The following PCSK6 variants were observed in gnomAD, a reference collection of about 807,000 sequenced individuals.
The protein encoded by PCSK6 is proprotein convertase subtilisin/kexin type 6.
A neutral mutation model predicts 123.3 loss-of-function variants in PCSK6; 85 were observed. That is an observed-to-expected ratio of 0.69 (90% CI 0.58 to 0.83). The LOEUF (loss-of-function observed/expected upper bound fraction) is 0.83, where lower values mean the gene tolerates loss of function less well. PCSK6 is among the 40% of genes least tolerant of loss of function. PCSK6 has a pLI of 0.00. For missense variants in PCSK6, 1,191 were observed against 1,282.3 expected, an observed-to-expected ratio of 0.93 and a Z score of 1.09; for synonymous variants, 508 against 516.0, an observed-to-expected ratio of 0.98 and a Z score of 0.21.
intron 6 of PCSK6, among the ~76,000 whole-genome samples, chr15:101,425,161 G>A (rs2056213920): frequency 1.3e-5 from 2 of 152,202 alleles, no homozygotes; most frequent in South Asian, 2.1e-4. Flanking sequence ...CGTCTGCGGC[G>A]TGGGGCTGGG....
intron 13 of PCSK6, among the ~76,000 whole-genome samples, chr15:101,344,572 C>T (rs2040688694): frequency 6.6e-6 from 1 of 152,190 alleles, no homozygotes; most frequent in African/African-American, 2.4e-5. Context: ...AAGCCACAGG[C>T]AAGGGAGTCT....
chr15:101,325,460 C>G (rs1307141850), intron 16 of PCSK6, among the ~76,000 whole-genome samples: 1 of 152,138 alleles, frequency 6.6e-6, no homozygotes, highest in Non-Finnish European at 1.5e-5. Flanking sequence ...GCTGGGAGCT[C>G]GAGGACGCCA....
chr15:101,419,514 T>A (rs1300800905), intron 6 of PCSK6, among the ~76,000 whole-genome samples: 1 of 143,728 alleles, frequency 7.0e-6, no homozygotes, highest in Non-Finnish European at 1.5e-5. Context: ...TTCCAAGCAA[T>A]CCCAATCAAA....
chr15:101,451,082 A>C (rs1418659454), intron 1 of PCSK6, among the ~76,000 whole-genome samples: 1 of 151,846 alleles, frequency 6.6e-6, no homozygotes, highest in Admixed American at 6.6e-5. Flanking sequence ...GGCCTCCCCC[A>C]TCATGTCGTT....
chr15:101,310,011 T>A (rs972807487), intron 20 of PCSK6, among the ~76,000 whole-genome samples: 4 of 152,222 alleles, frequency 2.6e-5, no homozygotes, highest in Admixed American at 2.0e-4. Flanking sequence ...TCTGGCCACA[T>A]GCTCCCTCGG....
intron 20 of PCSK6, 177 bp from the exon 21 acceptor site, chr15:101,307,502 T>C: frequency 3.4e-6 from 2 of 583,184 alleles, no homozygotes; most frequent in Non-Finnish European, 6.2e-6. Flanking sequence ...CTGCATGTCT[T>C]TTCTCCTGTC....
At chr15:101,347,460 TC>T (rs2040765276) in intron 13 of PCSK6, 1 of 1,256,298 alleles carries the variant, frequency 8.0e-7, no homozygotes, top group African/African-American at 1.5e-5. Flanking sequence ...ACTAATCTCT[TC>T]CCCTTCATTA....
chr15:101,420,867 G>A (rs1483544895), intron 6 of PCSK6, among the ~76,000 whole-genome samples: 1 of 152,222 alleles, frequency 6.6e-6, no homozygotes, highest in African/African-American at 2.4e-5. Context: ...TCCTGACAGT[G>A]TAAAATTTCT....
chr15:101,361,688 G>C (rs759426472), intron 13 of PCSK6, among the ~76,000 whole-genome samples: 1 of 152,204 alleles, frequency 6.6e-6, no homozygotes, highest in East Asian at 1.9e-4. Flanking sequence ...TGCTCTAAGA[G>C]CTGTGGGAGG....
intron 1 of PCSK6, among the ~76,000 whole-genome samples, chr15:101,462,667 T>C (rs532938192): frequency 1.3e-5 from 2 of 152,220 alleles, no homozygotes; most frequent in East Asian, 3.9e-4. Flanking sequence ...GAGGAACTAA[T>C]CCACTGATGA....
At position 101,488,673 on chromosome 15, in the gene PCSK6, G is replaced by T. The variant is rs370032994; in HGVS notation, c.297+701C>A. ...ACACCGCTCGGCCATCAGAACCGCG[G>T]CAGAAGCCCCCACACAAAGCGCCCT... is the stretch of plus-strand genomic sequence containing the variant. On this transcript the variant is annotated intron_variant, in intron 1 of 21. Coordinates refer to ENST00000611716, the MANE Select transcript of PCSK6 (RefSeq NM_002570.5). Among the ~76,000 whole-genome samples, 8 of 152,212 alleles carry T rather than the reference G, an allele frequency of 5.3e-5. No homozygotes were observed. The East Asian group carries it at 1.2e-3, about 22-fold the overall frequency.
chr15:101,471,401 C>CA (rs1329700978), intron 1 of PCSK6, among the ~76,000 whole-genome samples: 2 of 152,164 alleles, frequency 1.3e-5, no homozygotes, highest in Admixed American at 1.3e-4. Flanking sequence ...AAACATGCAC[C>CA]AATGTTGAAT....
At chr15:101,427,431 A>G (rs566362572) in intron 6 of PCSK6, among the ~76,000 whole-genome samples, 19 of 152,278 alleles carry the variant, frequency 1.2e-4, no homozygotes, top group African/African-American at 3.8e-4. Flanking sequence ...AAGGGGCACT[A>G]TGAAAAATGT....
rs566120728 is a variant in PCSK6 at position 101,486,367 on chromosome 15, G to C, written c.297+3007C>G. On this transcript the variant is annotated intron_variant, in intron 1 of 21. Coordinates refer to ENST00000611716, the MANE Select transcript of PCSK6 (RefSeq NM_002570.5). ...CTAACAGCTTTTATGCAAGAATGAA[G>C]AATGGTTTCTTTCGTCTTCTCAGAT... is the stretch of plus-strand genomic sequence containing the variant. 5.9e-5 allele frequency among the ~76,000 whole-genome samples: 9 copies of C among 152,324 alleles called. No individual in the cohort carries two copies. The East Asian group carries it at 1.7e-3, about 29-fold the overall frequency.
chr15:101,388,719 A>T (rs1201491347), intron 9 of PCSK6, among the ~76,000 whole-genome samples: 3 of 152,220 alleles, frequency 2.0e-5, no homozygotes, highest in African/African-American at 7.2e-5. Flanking sequence ...ATGGCCTAAA[A>T]AAAGGAAGGA....
rs1054605063 is a variant in PCSK6, at chr15:101,346,820, G to A, written c.1859-14789C>T. On this transcript the variant is annotated intron_variant, in intron 13 of 21. Transcript: ENST00000611716. ...TCTTTTTGTTATGCTTTCTACTGGA[G>A]ATACAGAACCGACTAAACAATACTG... 165 of 1,231,252 alleles carry A rather than the reference G, an allele frequency of 1.3e-4. 1 individual carries two copies. In the African/African-American group the frequency reaches 2.3e-3, roughly 17 times the overall value. 76.3% of individuals were successfully genotyped at this position (1,231,252 alleles called of 1,614,324 possible).
In PCSK6 at chr15:101,442,655, T is replaced by C. The variant is rs116852508; in HGVS notation, c.402+901A>G. On this transcript the variant is annotated intron_variant, in intron 2 of 21. Coordinates refer to ENST00000611716, the MANE Select transcript of PCSK6 (RefSeq NM_002570.5). ...TTTTCTGGAAATAGCTGAAATAATATTGTGCACCAGCCAGGGGGCCCAAAC... is the reference window on the plus strand; with the variant it reads ...TTTTCTGGAAATAGCTGAAATAATACTGTGCACCAGCCAGGGGGCCCAAAC... Among the ~76,000 whole-genome samples, 442 of 152,174 alleles carry C rather than the reference T, an allele frequency of 2.9e-3. 5 individuals are homozygous for C. In the East Asian group the frequency reaches 0.03, roughly 10 times the overall value.
At chr15:101,476,562 TAAA>T (rs72127421) in intron 1 of PCSK6, among the ~76,000 whole-genome samples, 35 of 142,286 alleles carry the variant, frequency 2.5e-4, no homozygotes, top group African/African-American at 8.8e-4. Flanking sequence ...CCATTTATAT[TAAA>T]AAAAAAAAAA....
chr15:101,370,782 G>A (rs925395248), intron 11 of PCSK6, among the ~76,000 whole-genome samples: 1 of 152,382 alleles, frequency 6.6e-6, no homozygotes, highest in African/African-American at 2.4e-5. Flanking sequence ...TGTGGCTCAC[G>A]CCTCTGATCC....
Sources: allele counts gnomAD v4.1 joint callset (sites outside exome capture counted in the v4.1 genomes callset), GRCh38; gene constraint gnomAD v4.1.1; transcripts MANE v1.5; gene names NCBI Gene and HGNC (gene_info 2026-07-23, HGNC 2026-07-21).